The following CDC16 variants were observed in gnomAD, a reference collection of about 807,000 sequenced individuals.
The protein encoded by CDC16 is cell division cycle protein 16 homolog.
Under a neutral mutation model 87.0 loss-of-function variants are expected in CDC16, and 34 were observed. The observed-to-expected ratio is 0.39, with a 90% confidence interval of 0.30 to 0.52. The LOEUF is 0.52. Ranked by LOEUF, CDC16 falls within the 20% of genes least tolerant of loss-of-function variation. The pLI, the probability that CDC16 is intolerant of heterozygous loss-of-function variation, is 0.74. For synonymous variants in CDC16, 263 were observed against 260.6 expected, an observed-to-expected ratio of 1.01 and a Z score of -0.09; for missense variants, 653 against 751.9, an observed-to-expected ratio of 0.87 and a Z score of 1.54.
At chr13:114,264,502 G>A (rs9590502) in intron 16 of CDC16, among the ~76,000 whole-genome samples, 1 of 151,842 alleles carries the variant, frequency 6.6e-6, no homozygotes. Context: ...GGAGGTTGCA[G>A]TGAGCTGAGA....
chr13:114,238,046 G>T (rs1199299359), intron 3 of CDC16, among the ~76,000 whole-genome samples: 2 of 151,852 alleles, frequency 1.3e-5, no homozygotes, highest in Admixed American at 1.3e-4. Flanking sequence ...CCAGTCACGT[G>T]GTGCTGCTGT....
At chr13:114,249,289 C>T (rs112480837) in intron 11 of CDC16, among the ~76,000 whole-genome samples, 140 of 151,398 alleles carry the variant, frequency 9.2e-4, no homozygotes, top group East Asian at 5.8e-4. Context: ...AGAGCTCAGG[C>T]GGAAATGCAA....
chr13:114,256,955 A>C (rs1445697596), intron 12 of CDC16, 123 bp from the exon 13 acceptor site: 6 of 570,388 alleles, frequency 1.1e-5, no homozygotes, highest in Non-Finnish European at 1.8e-5. Context: ...TAAGAGAAAA[A>C]AGTAAATGCT....
At chr13:114,236,093 G>A (rs1186766655) in intron 1 of CDC16, among the ~76,000 whole-genome samples, 1 of 152,196 alleles carries the variant, frequency 6.6e-6, no homozygotes, top group East Asian at 1.9e-4. Flanking sequence ...CACTGTGGGT[G>A]GCCCTCATTG....
rs557942946 is a variant in CDC16 at position 114,272,263 on chromosome 13, T to G, written c.1683T>G (p.Pro561=). 6.2e-7 allele frequency: 1 copy of G among 1,613,644 alleles called. No homozygotes were observed. Among genetic ancestry groups the G allele is most frequent in the East Asian group, 2.2e-5 (1 of 44,886 alleles). ...TMKTLKNIIS[P]PWDFREFEVE... is the part of the protein sequence containing the mutation. ...AGACACTAAAAAACATTATTTCACC[T>G]CCGTGGGATTTCAGGGAATTTGAAG... is the stretch of plus-strand genomic sequence containing the variant. The change falls in exon 18 of 18, where the codon CCT becomes CCG. Residue 561 remains proline, a synonymous_variant. Transcript: ENST00000356221.
chr13:114,264,952 C>G (rs1322312030), intron 16 of CDC16, 198 bp from the exon 17 acceptor site: 1 of 493,934 alleles, frequency 2.0e-6, no homozygotes, highest in Middle Eastern at 3.3e-4. Context: ...AGATTTCCAG[C>G]ATAAGAAAAT....
chr13:114,238,875 C>G (rs533138874), intron 3 of CDC16, 115 bp from the exon 4 acceptor site: 1 of 1,337,074 alleles, frequency 7.5e-7, no homozygotes, highest in East Asian at 2.5e-5. Flanking sequence ...TTTTTAACTG[C>G]AAGAGTAAAA....
intron 13 of CDC16, 24 bp from the exon 14 acceptor site, chr13:114,259,311 C>T (rs1367403878): frequency 1.9e-6 from 3 of 1,552,700 alleles, no homozygotes; most frequent in Non-Finnish European, 2.6e-6. Flanking sequence ...GAATAATCTG[C>T]AACCTTTTTT....
Position 114,239,496 on chromosome 13 carries a change from T to G in CDC16, c.381+6T>G. On this transcript the variant is annotated splice_donor_region_variant and intron_variant, in intron 5 of 17. Transcript: ENST00000356221. Reference sequence around the variant, plus strand: ...GGGAAATGTCACAGTCTTCAGTAAGTAGTACTGTGAGCACAGCTCAGTAAC... The same window carrying G: ...GGGAAATGTCACAGTCTTCAGTAAGGAGTACTGTGAGCACAGCTCAGTAAC... The G allele has an allele frequency of 6.3e-7, 1 of 1,597,738 alleles. No individual in the cohort carries two copies. The highest frequency in any genetic ancestry group is 8.6e-7 in the Non-Finnish European group (1 of 1,168,026).
In CDC16 at chr13:114,248,093, T is replaced by A. The variant is rs552596234; in HGVS notation, c.971+1089T>A. On this transcript the variant is annotated intron_variant, in intron 11 of 17. Coordinates refer to ENST00000356221, the MANE Select transcript of CDC16 (RefSeq NM_001078645.3). Reference sequence around the variant, plus strand: ...CAGAATTCTTAGCAGGGTGAACTGATTCATGTAATGATTTGCTGTGGTTTT... The same window carrying A: ...CAGAATTCTTAGCAGGGTGAACTGAATCATGTAATGATTTGCTGTGGTTTT... Among the ~76,000 whole-genome samples, 19 of 152,336 alleles carry A rather than the reference T, an allele frequency of 1.2e-4. No homozygotes were observed. In the South Asian group the frequency reaches 3.9e-3, roughly 32 times the overall value.
chr13:114,236,692 C>T lies in CDC16; in HGVS notation c.96C>T (p.Leu32=). The T allele has an allele frequency of 6.2e-7, 1 of 1,613,234 alleles. No individual in the cohort carries two copies. ...ALFWADKVAS[L]SREEPQDIYW... Reference sequence around the variant, plus strand: ...TTTGGGCAGATAAAGTAGCTTCACTCTCTCGTGGTAAGTGACAAAATGCTA... The same window carrying T: ...TTTGGGCAGATAAAGTAGCTTCACTTTCTCGTGGTAAGTGACAAAATGCTA... Residue 32 remains leucine (L), a synonymous_variant, in exon 2 of 18, where the codon CTC becomes CTT. Transcript: ENST00000356221.
chr13:114,268,553 C>T (rs2083397445), intron 17 of CDC16, among the ~76,000 whole-genome samples: 1 of 152,182 alleles, frequency 6.6e-6, no homozygotes, highest in Non-Finnish European at 1.5e-5. Flanking sequence ...AGTGAAGTTA[C>T]ACCCTATGCA....
intron 10 of CDC16, among the ~76,000 whole-genome samples, chr13:114,246,526 CAG>C (rs2081882749): frequency 6.6e-6 from 1 of 152,166 alleles, no homozygotes; most frequent in Non-Finnish European, 1.5e-5. Context: ...AATCAGGAAT[CAG>C]GGTGTAAGAC....
rs61755296 is a variant in CDC16 at position 114,272,440 on chromosome 13, G to A, written c.1860G>A (p.Thr620=). The A allele has an allele frequency of 1.1e-5, 17 of 1,613,358 alleles. No individual in the cohort carries two copies. Among genetic ancestry groups the A allele is most frequent in the South Asian group, 2.2e-5 (2 of 90,976 alleles). Residue 620 remains threonine (T), a synonymous_variant, in exon 18 of 18, where the codon ACG becomes ACA. Transcript: ENST00000356221. ...AGACATCTATGTCAGACCACAGCAC[G>A]TGACTCCAGTCAGTGGTCCTGGTCC... The part of the protein sequence containing the change: ...MLETSMSDHS[T]
At chr13:114,261,462 C>T (rs2082857581) in intron 14 of CDC16, among the ~76,000 whole-genome samples, 1 of 152,000 alleles carries the variant, frequency 6.6e-6, no homozygotes, top group Non-Finnish European at 1.5e-5. Context: ...GTGCCATTCA[C>T]TGACTGGAGG....
intron 11 of CDC16, chr13:114,247,288 G>A (rs1217694444): frequency 1.4e-5 from 5 of 352,678 alleles, no homozygotes; most frequent in Admixed American, 9.1e-5. Context: ...TCAGCCTCCC[G>A]AGTAGCTGGG....
chr13:114,238,134 A>G (rs2081349123), intron 3 of CDC16, among the ~76,000 whole-genome samples: 1 of 151,806 alleles, frequency 6.6e-6, no homozygotes, highest in South Asian at 2.1e-4. Flanking sequence ...GACGCCCAGC[A>G]GTTATTCACA....
Position 114,244,904 on chromosome 13 carries a change from ATCC to A in CDC16, c.784_786del (p.Pro262del). On this transcript the variant is annotated inframe_deletion, in exon 9 of 18. Transcript: ENST00000356221. ...TTAACTTTCAGAGTAATGGAGAAAG[ATCC>A]TTTCCATGCAAGTTGTTTACCTGTA... The A allele has an allele frequency of 6.2e-7, 1 of 1,610,806 alleles. No individual in the cohort carries two copies. Among genetic ancestry groups the A allele is most frequent in the Non-Finnish European group, 8.5e-7 (1 of 1,177,812 alleles).
At chr13:114,249,024 G>A (rs1928037) in intron 11 of CDC16, among the ~76,000 whole-genome samples, 63,370 of 151,342 alleles carry the variant, frequency 0.42, 16,531 homozygotes, top group African/African-American at 0.75. Flanking sequence ...TTTATCGTGT[G>A]CTTTTTTCTA....
Sources: gnomAD v4.1 joint callset for allele counts (sites outside exome capture counted in the v4.1 genomes callset) on GRCh38, gnomAD v4.1.1 for gene constraint, MANE v1.5 for transcripts, NCBI Gene and HGNC (gene_info 2026-07-23, HGNC 2026-07-21) for gene names.